Variants in CDK15 observed in about 807,000 individuals in gnomAD.
CDK15 encodes the protein cyclin dependent kinase 15.
CDK15 carries 62 observed loss-of-function variants against 60.3 expected under a neutral mutation model. The observed-to-expected ratio is 1.03, with a 90% CI of 0.84 to 1.27. The LOEUF is 1.27. CDK15 is among the 50% of genes most tolerant of loss of function. The pLI is 0.00. For synonymous variants in CDK15, 194 were observed against 195.7 expected, an observed-to-expected ratio of 0.99 and a Z score of 0.07; for missense variants, 541 against 527.8, an observed-to-expected ratio of 1.03 and a Z score of -0.25.
intron 8 of CDK15, among the ~76,000 whole-genome samples, chr2:201,842,169 G>C (rs992157256): frequency 3.3e-5 from 5 of 152,118 alleles, no homozygotes; most frequent in Admixed American, 2.6e-4. Flanking sequence ...TCAGTCCCTG[G>C]TAACCACGAT....
intron 8 of CDK15, among the ~76,000 whole-genome samples, chr2:201,836,135 TTTATATA>T (rs1697061731): frequency 4.4e-5 from 5 of 112,852 alleles, no homozygotes; most frequent in Non-Finnish European, 6.9e-5. Flanking sequence ...ATTTTATATA[TTTATATA>T]TTATATATAT....
chr2:201,892,213 A>T (rs1443614338), intron 13 of CDK15, among the ~76,000 whole-genome samples: 1 of 152,232 alleles, frequency 6.6e-6, no homozygotes, highest in East Asian at 1.9e-4. Context: ...TTTCCCAAGC[A>T]AAATATTCTC....
chr2:201,816,692 G>T (rs1362081543), intron 4 of CDK15, among the ~76,000 whole-genome samples: 2 of 151,846 alleles, frequency 1.3e-5, no homozygotes, highest in Non-Finnish European at 2.9e-5. Context: ...TTCTGTTTTT[G>T]GTTTTTTTGA....
At chr2:201,807,703 G>C in intron 2 of CDK15, 60 bp downstream of exon 2, 1 of 1,600,812 alleles carries the variant, frequency 6.2e-7, no homozygotes, top group East Asian at 2.2e-5. Flanking sequence ...TACGGAGGCC[G>C]GCCCTTGCTT....
rs1181352411 is a variant in CDK15, at chr2:201,836,057, A to AT, written c.851+296dup. On this transcript the variant is annotated intron_variant, in intron 8 of 13. Coordinates refer to ENST00000652192, the MANE Select transcript of CDK15 (RefSeq NM_001366386.2). ...ATATTTTATATATATTTATATATAT[A>AT]TTATATATATTTATATTTATATATA... is the stretch of plus-strand genomic sequence containing the variant. 3.2e-3 allele frequency among the ~76,000 whole-genome samples: 19 copies of AT among 6,014 alleles called. No individual in the cohort carries two copies. The Admixed American group carries it at 0.036, about 11-fold the overall frequency. The allele number at this position is 6,014 out of a possible 152,430, so 3.9% of individuals were successfully genotyped here.
chr2:201,840,554 A>AGTGTT (rs2105760112), intron 8 of CDK15, among the ~76,000 whole-genome samples: 1 of 152,002 alleles, frequency 6.6e-6, no homozygotes, highest in South Asian at 2.1e-4. Flanking sequence ...CATCTTTTAG[A>AGTGTT]GTGTTTTGTT....
At chr2:201,850,532 G>A (rs1346670958) in intron 9 of CDK15, among the ~76,000 whole-genome samples, 6 of 152,176 alleles carry the variant, frequency 3.9e-5, no homozygotes, top group African/African-American at 9.7e-5. Context: ...CACAGCTGCT[G>A]AACGTGATGA....
intron 12 of CDK15, among the ~76,000 whole-genome samples, chr2:201,890,516 C>T (rs954037244): frequency 2.0e-5 from 3 of 152,150 alleles, no homozygotes; most frequent in Non-Finnish European, 4.4e-5. Flanking sequence ...GTGTGTATTC[C>T]TATTTTTATC....
chr2:201,851,354 A>G (rs548109434), intron 9 of CDK15, among the ~76,000 whole-genome samples: 85 of 151,060 alleles, frequency 5.6e-4, no homozygotes, highest in African/African-American at 1.8e-3. Flanking sequence ...TAGAGGCTGG[A>G]AAGTCCAAGA....
chr2:201,883,943 G>A (rs141496467), intron 12 of CDK15, among the ~76,000 whole-genome samples: 1 of 152,302 alleles, frequency 6.6e-6, no homozygotes, highest in East Asian at 1.9e-4. Context: ...TTAATGATTT[G>A]GGGGTGGGGG....
intron 10 of CDK15, among the ~76,000 whole-genome samples, chr2:201,865,601 C>T (rs60692220): frequency 0.15 from 23,514 of 152,056 alleles, 3,037 homozygotes; most frequent in African/African-American, 0.35. Context: ...CTCTAAAGCT[C>T]GGGAAGGGCC....
intron 6 of CDK15, among the ~76,000 whole-genome samples, chr2:201,832,599 C>G (rs1391668258): frequency 1.3e-5 from 2 of 152,208 alleles, no homozygotes; most frequent in Non-Finnish European, 2.9e-5. Flanking sequence ...AACATTTGAA[C>G]TAGGAGTCAT....
intron 10 of CDK15, among the ~76,000 whole-genome samples, chr2:201,865,170 GTGGTGGC>G (rs1397598200): frequency 6.6e-6 from 1 of 152,224 alleles, no homozygotes; most frequent in Non-Finnish European, 1.5e-5. Flanking sequence ...TTGGCTGCAT[GTGGTGGC>G]CCTTCAATAT....
chr2:201,869,711 A>C (rs779317297), intron 10 of CDK15, among the ~76,000 whole-genome samples: 3 of 151,878 alleles, frequency 2.0e-5, no homozygotes, highest in Non-Finnish European at 4.4e-5. Context: ...AGTTAGAAAG[A>C]GTATTAAAAT....
Position 201,812,466 on chromosome 2 carries a change from C to T in CDK15, c.369-17C>T. The T allele has an allele frequency of 1.3e-6, 2 of 1,597,316 alleles. No homozygotes were observed. Among genetic ancestry groups the T allele is most frequent in the Non-Finnish European group, 1.7e-6 (2 of 1,165,980 alleles). On this transcript the variant is annotated splice_polypyrimidine_tract_variant and intron_variant, in intron 3 of 13. Coordinates refer to ENST00000652192, the MANE Select transcript of CDK15 (RefSeq NM_001366386.2). ...ACCACCTCAATAAGTGTGTGCCCCT[C>T]AATCCCTCTCTTCTAGAATAAATGG... is the stretch of plus-strand genomic sequence containing the variant.
At chr2:201,826,953 G>A (rs1559120640) in intron 6 of CDK15, among the ~76,000 whole-genome samples, 1 of 152,316 alleles carries the variant, frequency 6.6e-6, no homozygotes, top group East Asian at 1.9e-4. Context: ...AGATCTGAGA[G>A]GACAAACATT....
chr2:201,812,365 A>G, intron 3 of CDK15, 118 bp from the exon 4 acceptor site: 1 of 593,824 alleles, frequency 1.7e-6, no homozygotes, highest in Admixed American at 2.8e-5. Context: ...AGAAAATTAT[A>G]GATTTATATG....
At chr2:201,848,118 A>T (rs1195556276) in intron 9 of CDK15, among the ~76,000 whole-genome samples, 2 of 152,132 alleles carry the variant, frequency 1.3e-5, no homozygotes, top group African/African-American at 2.4e-5. Context: ...CAAAAAAAAG[A>T]CACAAAATTT....
chr2:201,888,712 G>C (rs1026726595), intron 12 of CDK15: 2 of 1,281,128 alleles, frequency 1.6e-6, no homozygotes, highest in Non-Finnish European at 9.8e-7. Flanking sequence ...CTGCCAGATA[G>C]TGTCTCTCTC....
Sources: gnomAD v4.1 joint callset for allele counts (sites outside exome capture counted in the v4.1 genomes callset) on GRCh38, gnomAD v4.1.1 for gene constraint, MANE v1.5 for transcripts, NCBI Gene and HGNC (gene_info 2026-07-23, HGNC 2026-07-21) for gene names.